CDKL5: variants seen among roughly 807,000 people sequenced by gnomAD.
CDKL5 encodes the protein cyclin dependent kinase like 5.
CDKL5 carries 8 observed loss-of-function variants against 61.7 expected under a neutral mutation model. The ratio of observed to expected loss-of-function variants is 0.13; its 90% CI spans 0.08 to 0.23. The LOEUF (loss-of-function observed/expected upper bound fraction) is 0.23. Ranked by LOEUF, CDKL5 falls within the 10% of genes least tolerant of loss-of-function variation. The pLI, the probability that CDKL5 is intolerant of heterozygous loss-of-function variation, is 1.00. For missense variants in CDKL5, 440 were observed against 734.5 expected (o/e 0.60, Z 4.63); for synonymous variants, 275 against 272.3 (o/e 1.01, Z -0.10).
chrX:18,450,067 A>G (rs1413500146), intron 1 of CDKL5, among the ~76,000 whole-genome samples: 5 of 112,522 alleles, frequency 4.4e-5, no homozygotes, highest in Non-Finnish European at 9.4e-5. Context: ...TGCTGGGATT[A>G]CAGGCATGAG....
At chrX:18,490,304 G>A (rs1294075959) in intron 1 of CDKL5, among the ~76,000 whole-genome samples, 1 of 111,811 alleles carries the variant, frequency 8.9e-6, no homozygotes, top group Non-Finnish European at 1.9e-5. Flanking sequence ...TTGGATAGAA[G>A]TATGAATAGC....
chrX:18,542,659 A>ATTT (rs199564053), intron 3 of CDKL5, among the ~76,000 whole-genome samples: 1 of 95,962 alleles, frequency 1.0e-5, no homozygotes, highest in Admixed American at 1.1e-4. Flanking sequence ...TAATATGATG[A>ATTT]TTTTTTTTTT....
downstream of CDKL5, among the ~76,000 whole-genome samples, chrX:18,642,507 A>T (rs186092624): frequency 8.9e-6 from 1 of 112,222 alleles, no homozygotes; most frequent in Non-Finnish European, 1.9e-5. Flanking sequence ...AGAAAGTTCT[A>T]TTGGAGGGTG....
At chrX:18,437,063 G>A (rs1294898162) in intron 1 of CDKL5, among the ~76,000 whole-genome samples, 2 of 110,468 alleles carry the variant, frequency 1.8e-5, no homozygotes, top group African/African-American at 6.6e-5. Flanking sequence ...CCTGGGAAAC[G>A]GTTGAAGATT....
chrX:18,583,846 C>A (rs769974502), intron 7 of CDKL5, among the ~76,000 whole-genome samples: 2 of 112,062 alleles, frequency 1.8e-5, no homozygotes, highest in South Asian at 7.4e-4. Context: ...GTGTAAGTGC[C>A]ACATAGCAAA....
At chrX:18,437,645 C>T (rs1463931871) in intron 1 of CDKL5, among the ~76,000 whole-genome samples, 6 of 112,280 alleles carry the variant, frequency 5.3e-5, no homozygotes, top group African/African-American at 1.9e-4. Flanking sequence ...TACTCTTCAT[C>T]AGGAGCACCA....
intron 2 of CDKL5, among the ~76,000 whole-genome samples, chrX:18,508,287 A>C (rs1022865099): frequency 8.9e-6 from 1 of 112,563 alleles, no homozygotes; most frequent in Non-Finnish European, 1.9e-5. Flanking sequence ...AAAGTTGGCA[A>C]ATCCTTTCAA....
intron 3 of CDKL5, among the ~76,000 whole-genome samples, chrX:18,560,087 T>C (rs1924747007): frequency 9.1e-6 from 1 of 110,383 alleles, no homozygotes; most frequent in Admixed American, 9.7e-5. Flanking sequence ...AGTGCTGCAA[T>C]AAACATACGT....
Position 18,629,524 on chromosome X carries a change from A to G in CDKL5, c.*767A>G. 2 of 693,940 alleles carry G rather than the reference A, an allele frequency of 2.9e-6. No individual in the cohort carries two copies. The highest frequency in any genetic ancestry group is 3.4e-6 in the Non-Finnish European group (2 of 584,857). The allele number at this position is 693,940 out of a possible 1,213,427, so 57.2% of individuals were successfully genotyped here. On this transcript the variant is annotated 3_prime_UTR_variant, in exon 18 of 18. Transcript: ENST00000623535. The stretch of plus-strand genomic sequence containing the variant: ...TTAAAGAAAGTATCGTTATGACACT[A>G]TCTGCCATATTTTTATACATTTGTG...
intron 16 of CDKL5, chrX:18,624,010 T>C: frequency 4.0e-6 from 3 of 750,237 alleles, no homozygotes. Context: ...TGGTACCCGT[T>C]TTTATGTATG....
In CDKL5 at chrX:18,497,758, C is replaced by CTGTGT. The variant is rs768772681; in HGVS notation, c.-162-9158_-162-9154dup. Among the ~76,000 whole-genome samples, 517 of 110,419 alleles carry CTGTGT rather than the reference C, an allele frequency of 4.7e-3. 2 individuals carry two copies. Among genetic ancestry groups the CTGTGT allele is most frequent in the Middle Eastern group, 0.043 (9 of 210 alleles). On this transcript the variant is annotated intron_variant, in intron 1 of 17. Transcript: ENST00000623535. ...AGAAATAGTGCCCCAGGAACCCCTC[C>CTGTGT]TGTGTTGTGTTGTGTTGTGTTGTCT...
chrX:18,472,734 T>C (rs1385071065), intron 1 of CDKL5, among the ~76,000 whole-genome samples: 1 of 111,109 alleles, frequency 9.0e-6, no homozygotes, highest in African/African-American at 3.3e-5. Flanking sequence ...CTATACCTTC[T>C]GTCTTCTGCA....
intron 11 of CDKL5, among the ~76,000 whole-genome samples, chrX:18,598,831 A>G (rs984439448): frequency 2.7e-5 from 3 of 112,480 alleles, no homozygotes; most frequent in African/African-American, 9.7e-5. Context: ...ATGGAAACCT[A>G]TGCATTCCCT....
At position 18,608,910 on chromosome X, in the gene CDKL5, G is replaced by C; in HGVS notation, c.2044G>C (p.Glu682Gln). 1 of 1,152,243 alleles carries C rather than the reference G, an allele frequency of 8.7e-7. No homozygotes were observed. 95.0% of individuals were successfully genotyped at this position (1,152,243 alleles called of 1,213,427 possible). A position where few individuals can be genotyped will look rare whatever the true frequency, so the allele number is the denominator to read the frequency against. ...TTCCTTCCATACACGCCAGAAGTCT[G>C]AGGTATGTCACAATAAAATATGCCT... ...TSSFHTRQKSEGGVYHDPHSD... is the reference protein window; with the variant it reads ...TSSFHTRQKSQGGVYHDPHSD... Residue 682 changes from glutamate (E) to glutamine (Q), a missense_variant and splice_region_variant, in exon 13 of 18, where the codon GAG becomes CAG. Around this residue, in one of 2 missense-constraint regions of CDKL5, gnomAD observed 363 missense variants for 516.3 expected, o/e 0.70. Transcript: ENST00000623535.
intron 6 of CDKL5, among the ~76,000 whole-genome samples, chrX:18,581,021 C>T (rs1925464670): frequency 9.0e-6 from 1 of 111,538 alleles, no homozygotes; most frequent in Admixed American, 9.5e-5. Context: ...ACAGTCTATA[C>T]TGTAGTTTGG....
At chrX:18,595,137 G>A (rs771300261) in intron 9 of CDKL5, among the ~76,000 whole-genome samples, 95 of 111,920 alleles carry the variant, frequency 8.5e-4, no homozygotes, top group African/African-American at 3.0e-3. Flanking sequence ...AGCCCAGATC[G>A]CACCATTGCA....
At chrX:18,650,659 T>C in intron 21 of CDKL5, 1 of 1,121,629 alleles carries the variant, frequency 8.9e-7, no homozygotes, top group South Asian at 1.8e-5. Flanking sequence ...CGAGGAGCTG[T>C]AGAAATGCAG....
intron 11 of CDKL5, among the ~76,000 whole-genome samples, chrX:18,601,545 C>T (rs1338851672): frequency 8.9e-6 from 1 of 112,059 alleles, no homozygotes; most frequent in Non-Finnish European, 1.9e-5. Context: ...GGCAGAGCTC[C>T]GATGCAAAGG....
At position 18,475,246 on chromosome X, in the gene CDKL5, A is replaced by G. The variant is rs138622101; in HGVS notation, c.-162-31689A>G. Among the ~76,000 whole-genome samples the G allele has an allele frequency of 4.3e-3, 476 of 110,820 alleles. 13 individuals are homozygous for G. Among genetic ancestry groups the G allele is most frequent in the Admixed American group, 0.043 (442 of 10,387 alleles). On this transcript the variant is annotated intron_variant, in intron 1 of 17. Coordinates refer to ENST00000623535, the MANE Select transcript of CDKL5 (RefSeq NM_001323289.2). The stretch of plus-strand genomic sequence containing the variant: ...AGTGCTGGGATTATAGGCGTGAGCC[A>G]CCACACCTGGCTTAAACTTTGTAAT...
Sources: allele counts gnomAD v4.1 joint callset (sites outside exome capture counted in the v4.1 genomes callset), GRCh38; gene constraint gnomAD v4.1.1; regional missense constraint gnomAD v4.1.1; transcripts MANE v1.5; gene names NCBI Gene and HGNC (gene_info 2026-07-23, HGNC 2026-07-21).